The following RBFOX1 variants were observed in gnomAD, a reference collection of about 807,000 sequenced individuals.
RBFOX1 encodes RNA binding protein fox-1 homolog 1.
In RBFOX1, 8 loss-of-function variants were observed where a neutral mutation model predicts 57.7. That is an observed-to-expected ratio of 0.14 (90% CI 0.08 to 0.25). The LOEUF (loss-of-function observed/expected upper bound fraction) is 0.25, where lower values mean the gene tolerates loss of function less well. Ranked by LOEUF, RBFOX1 falls within the 10% of genes least tolerant of loss-of-function variation. RBFOX1 has a pLI of 1.00. For missense variants in RBFOX1, 611 were observed against 548.5 expected (o/e 1.11, Z -1.14); for synonymous variants, 326 against 222.4 (o/e 1.47, Z -4.15).
chr16:6,717,430 G>A (rs756673225), intron 3 of RBFOX1, among the ~76,000 whole-genome samples: 5 of 152,150 alleles, frequency 3.3e-5, no homozygotes, highest in African/African-American at 4.8e-5. Flanking sequence ...CTTGAGAGCA[G>A]AATGGTGGAT....
At chr16:7,231,943 T>C (rs1257280092) in intron 4 of RBFOX1, among the ~76,000 whole-genome samples, 1 of 152,158 alleles carries the variant, frequency 6.6e-6, no homozygotes, top group Non-Finnish European at 1.5e-5. Context: ...AGATTTTGTT[T>C]CGGAATGGAA....
At chr16:6,216,066 G>C (rs2097333989) in intron 1 of RBFOX1, among the ~76,000 whole-genome samples, 1 of 152,150 alleles carries the variant, frequency 6.6e-6, no homozygotes, top group African/African-American at 2.4e-5. Context: ...GCTTGTAAGA[G>C]AGAGTTAAAT....
intron 3 of RBFOX1, among the ~76,000 whole-genome samples, chr16:6,813,822 G>A (rs893940609): frequency 6.6e-6 from 1 of 152,162 alleles, no homozygotes; most frequent in African/African-American, 2.4e-5. Context: ...GAAGGGAGGA[G>A]GCGCTGTTGA....
intron 2 of RBFOX1, among the ~76,000 whole-genome samples, chr16:6,435,868 C>T (rs2094218892): frequency 6.6e-6 from 1 of 152,104 alleles, no homozygotes; most frequent in African/African-American, 2.4e-5. Context: ...CATCAAATTC[C>T]AATGTTCCAT....
chr16:6,159,967 AG>A (rs1197465917), intron 1 of RBFOX1, among the ~76,000 whole-genome samples: 2 of 152,128 alleles, frequency 1.3e-5, no homozygotes, highest in Non-Finnish European at 2.9e-5. Context: ...GTGCTTCCTA[AG>A]GGAACCTGAG....
At chr16:6,806,266 T>C (rs1453265008) in intron 3 of RBFOX1, among the ~76,000 whole-genome samples, 2 of 152,196 alleles carry the variant, frequency 1.3e-5, no homozygotes, top group Non-Finnish European at 2.9e-5. Flanking sequence ...GAAGTACTTT[T>C]CCTTCCTGAA....
chr16:6,363,356 A>G (rs2088963476), intron 2 of RBFOX1, among the ~76,000 whole-genome samples: 1 of 152,234 alleles, frequency 6.6e-6, no homozygotes, highest in Non-Finnish European at 1.5e-5. Flanking sequence ...AGATATTTAA[A>G]CAGACTAGGC....
intron 3 of RBFOX1, among the ~76,000 whole-genome samples, chr16:6,814,003 G>C (rs1017842056): frequency 6.6e-6 from 1 of 151,088 alleles, no homozygotes; most frequent in Non-Finnish European, 1.5e-5. Flanking sequence ...TCTGAGGACC[G>C]GTTCAGTGAT....
intron 3 of RBFOX1, among the ~76,000 whole-genome samples, chr16:5,705,527 CTG>C (rs1401623723): frequency 6.6e-6 from 1 of 152,210 alleles, no homozygotes; most frequent in Admixed American, 6.5e-5. Flanking sequence ...TTAAACACCT[CTG>C]TAATCACGAG....
chr16:6,906,683 G>C (rs931909410), intron 3 of RBFOX1, among the ~76,000 whole-genome samples: 1 of 151,234 alleles, frequency 6.6e-6, no homozygotes, highest in Non-Finnish European at 1.5e-5. Flanking sequence ...AAAGAGCCTA[G>C]TTCAGAGCAG....
intron 1 of RBFOX1, among the ~76,000 whole-genome samples, chr16:5,302,780 A>G (rs2063836346): frequency 2.0e-5 from 3 of 152,216 alleles, no homozygotes; most frequent in Admixed American, 1.3e-4. Flanking sequence ...TGGTATCTAA[A>G]AAGTGTTTCC....
intron 2 of RBFOX1, among the ~76,000 whole-genome samples, chr16:5,568,960 C>G (rs1225663187): frequency 1.3e-5 from 2 of 151,972 alleles, no homozygotes; most frequent in African/African-American, 4.8e-5. Context: ...CCTGCCTCAG[C>G]CTCCTGAGTA....
intron 4 of RBFOX1, among the ~76,000 whole-genome samples, chr16:5,898,251 G>T (rs966736812): frequency 3.3e-5 from 5 of 152,102 alleles, no homozygotes; most frequent in Admixed American, 2.6e-4. Context: ...CCTCCTACCA[G>T]GTCCCTTCCA....
chr16:6,158,227 T>G lies in RBFOX1; in HGVS notation c.-127+138235T>G, dbSNP rs7185450. On this transcript the variant is annotated intron_variant, in intron 1 of 15. Coordinates refer to ENST00000550418, the MANE Select transcript of RBFOX1 (RefSeq NM_018723.4). Reference sequence around the variant, plus strand: ...ATGCTTGCAACTGTCCGGCGGGGCCTTGGACTTGTCTGAATCGGTATTTTG... The same window carrying G: ...ATGCTTGCAACTGTCCGGCGGGGCCGTGGACTTGTCTGAATCGGTATTTTG... 2.4e-3 allele frequency among the ~76,000 whole-genome samples: 359 copies of G among 152,218 alleles called. 1 individual carries two copies. Among genetic ancestry groups the G allele is most frequent in the African/African-American group, 8.3e-3 (346 of 41,522 alleles).
intron 3 of RBFOX1, among the ~76,000 whole-genome samples, chr16:5,661,182 C>T (rs920541626): frequency 6.6e-6 from 1 of 152,174 alleles, no homozygotes; most frequent in African/African-American, 2.4e-5. Context: ...ACTTTCCCAA[C>T]TTTAATTATT....
At chr16:7,181,273 C>T (rs576956691) in intron 4 of RBFOX1, among the ~76,000 whole-genome samples, 1 of 152,092 alleles carries the variant, frequency 6.6e-6, no homozygotes, top group Admixed American at 6.5e-5. Flanking sequence ...GAAGGAGTAC[C>T]AGAACTGAAT....
At chr16:5,646,580 G>A (rs1015326209) in intron 3 of RBFOX1, among the ~76,000 whole-genome samples, 1 of 152,148 alleles carries the variant, frequency 6.6e-6, no homozygotes, top group Non-Finnish European at 1.5e-5. Context: ...GTCGCAGTGT[G>A]CAGCATGTGT....
intron 4 of RBFOX1, among the ~76,000 whole-genome samples, chr16:5,917,870 G>A (rs748509311): frequency 5.9e-5 from 9 of 151,998 alleles, no homozygotes; most frequent in African/African-American, 1.9e-4. Context: ...CCTGGTCCCC[G>A]TCAGGTTCCT....
At chr16:5,749,368 A>T (rs1442037276) in intron 3 of RBFOX1, among the ~76,000 whole-genome samples, 1 of 152,082 alleles carries the variant, frequency 6.6e-6, no homozygotes, top group South Asian at 2.1e-4. Flanking sequence ...CTCGAGGAGT[A>T]TCTTTGTGGC....
Sources: gnomAD v4.1 joint callset for allele counts (sites outside exome capture counted in the v4.1 genomes callset) on GRCh38, gnomAD v4.1.1 for gene constraint, MANE v1.5 for transcripts, NCBI Gene and HGNC (gene_info 2026-07-23, HGNC 2026-07-21) for gene names.